Variants in ZMYND8 observed in about 807,000 individuals in gnomAD.
ZMYND8 encodes MYND-type zinc finger-containing chromatin reader ZMYND8.
In ZMYND8, 37 loss-of-function variants were observed where a neutral mutation model predicts 140.8. That is an observed-to-expected ratio of 0.26 (90% CI 0.20 to 0.35). The LOEUF (loss-of-function observed/expected upper bound fraction) is 0.35, where lower values mean the gene tolerates loss of function less well. ZMYND8 is among the 10% of genes least tolerant of loss of function. The pLI, the probability that ZMYND8 is intolerant of heterozygous loss-of-function variation, is 1.00. For synonymous variants in ZMYND8, 592 were observed against 597.1 expected, an observed-to-expected ratio of 0.99 and a Z score of 0.12; for missense variants, 1,068 against 1,570.0, an observed-to-expected ratio of 0.68 and a Z score of 5.40.
chr20:47,327,094 T>C (rs1203288883), intron 2 of ZMYND8, among the ~76,000 whole-genome samples: 1 of 151,986 alleles, frequency 6.6e-6, no homozygotes, highest in African/African-American at 2.4e-5. Context: ...GGTGAACCAG[T>C]GATCTGGAAA....
At chr20:47,243,158 C>T (rs745733304) in intron 14 of ZMYND8, among the ~76,000 whole-genome samples, 3 of 152,228 alleles carry the variant, frequency 2.0e-5, no homozygotes, top group Admixed American at 1.3e-4. Context: ...GATTCATATT[C>T]TACCCATAAG....
chr20:47,305,452 G>A lies in ZMYND8; in HGVS notation c.234+4604C>T, dbSNP rs570672416. ...GATGAGGTTTCACCATGTTGCCCAG[G>A]TTGGTCTCGAACTCCTGGCCTCAGG... On this transcript the variant is annotated intron_variant, in intron 3 of 22. Coordinates refer to ENST00000471951, the MANE Select transcript of ZMYND8 (RefSeq NM_001281775.3). Among the ~76,000 whole-genome samples the A allele has an allele frequency of 9.9e-5, 15 of 151,676 alleles. No homozygotes were observed. In the South Asian group the frequency reaches 3.1e-3, roughly 32 times the overall value.
chr20:47,224,641 C>A, intron 18 of ZMYND8, 85 bp from the exon 19 acceptor site: 1 of 1,577,496 alleles, frequency 6.3e-7, no homozygotes, highest in East Asian at 2.2e-5. Context: ...TTCAGGCAGA[C>A]GTGGATGCAA....
At position 47,213,738 on chromosome 20, in the gene ZMYND8, T is replaced by C. The variant is rs150151491; in HGVS notation, c.3485-1013A>G. On this transcript the variant is annotated intron_variant, in intron 21 of 22. Transcript: ENST00000471951. The stretch of plus-strand genomic sequence containing the variant: ...TGTTTCACTGGAGCAAGGTAGCACA[T>C]AAAATAGCAACCTCAGTAGTGTGGG... Among the ~76,000 whole-genome samples the C allele has an allele frequency of 1.5e-3, 232 of 152,280 alleles. 1 individual carries two copies. In the Middle Eastern group the frequency reaches 0.017, roughly 11 times the overall value.
intron 12 of ZMYND8, among the ~76,000 whole-genome samples, chr20:47,253,773 C>T (rs973458831): frequency 1.3e-5 from 2 of 152,204 alleles, no homozygotes; most frequent in Non-Finnish European, 2.9e-5. Flanking sequence ...TGCGTGTCTA[C>T]ACGTATGGCT....
intron 11 of ZMYND8, among the ~76,000 whole-genome samples, chr20:47,275,380 G>C (rs1331349919): frequency 2.0e-5 from 3 of 151,800 alleles, no homozygotes; most frequent in Admixed American, 6.6e-5. Flanking sequence ...TGTAATCCCA[G>C]CTACTCGGGA....
chr20:47,253,604 GAGAACCCCTGTATC>G (rs1270978597), intron 12 of ZMYND8, among the ~76,000 whole-genome samples: 1 of 151,126 alleles, frequency 6.6e-6, no homozygotes, highest in Non-Finnish European at 1.5e-5. Context: ...AGCTAAGGCT[GAGAACCCCTGTATC>G]AGACCAATCT....
intron 21 of ZMYND8, among the ~76,000 whole-genome samples, chr20:47,215,154 C>A (rs1190201101): frequency 3.9e-5 from 6 of 152,140 alleles, no homozygotes; most frequent in Non-Finnish European, 8.8e-5. Context: ...AGGTGGATTG[C>A]CTGAGCTCAG....
intron 2 of ZMYND8, among the ~76,000 whole-genome samples, chr20:47,335,295 G>A (rs2081304521): frequency 6.6e-6 from 1 of 151,990 alleles, no homozygotes; most frequent in African/African-American, 2.4e-5. Flanking sequence ...TGAATTATAT[G>A]TCAATAAAGG....
At chr20:47,287,358 T>A in intron 7 of ZMYND8, 74 bp from the exon 8 acceptor site, 2 of 1,256,114 alleles carry the variant, frequency 1.6e-6, no homozygotes, top group South Asian at 2.4e-5. Flanking sequence ...TTACTTCCGC[T>A]AACAATGTGT....
intron 3 of ZMYND8, among the ~76,000 whole-genome samples, chr20:47,301,236 C>T (rs755978204): frequency 1.0e-4 from 15 of 150,500 alleles, no homozygotes; most frequent in Non-Finnish European, 1.5e-4. Flanking sequence ...CTCACTGCAA[C>T]CTCTGCCTCC....
chr20:47,305,626 C>A (rs2078423181), intron 3 of ZMYND8, among the ~76,000 whole-genome samples: 1 of 151,678 alleles, frequency 6.6e-6, no homozygotes, highest in Non-Finnish European at 1.5e-5. Context: ...AACATGTGGG[C>A]CCAAGAAAAT....
chr20:47,310,166 A>T lies in ZMYND8; in HGVS notation c.124T>A (p.Phe42Ile), dbSNP rs1227301195. ...TTGGAAGAATGTGGAGGGCTGGGGA[A>T]CTTTCTTTTCTGGGCTGTTCTCTCT... ...SAERTAQKRK[F>I]PSPPHSSNGH... The change falls in exon 3 of 23, where the codon TTC becomes ATC. Residue 42 changes from phenylalanine to isoleucine, a missense_variant. Coordinates refer to ENST00000471951, the MANE Select transcript of ZMYND8 (RefSeq NM_001281775.3). The T allele has an allele frequency of 6.2e-7, 1 of 1,612,480 alleles. No individual in the cohort carries two copies. Among genetic ancestry groups the T allele is most frequent in the Admixed American group, 1.7e-5 (1 of 59,496 alleles).
In ZMYND8 at chr20:47,209,597, C is replaced by T. The variant is rs1568848884; in HGVS notation, c.*1164G>A. On this transcript the variant is annotated 3_prime_UTR_variant, in exon 23 of 23. Coordinates refer to ENST00000471951, the MANE Select transcript of ZMYND8 (RefSeq NM_001281775.3). ...CTCTTAACAATGAAGAGAAAGTAAA[C>T]AAGACTAAAATGTACAACAAAACGT... is the stretch of plus-strand genomic sequence containing the variant. 6.6e-6 allele frequency: 1 copy of T among 152,222 alleles called. No individual in the cohort carries two copies. The highest frequency in any genetic ancestry group is 1.5e-5 in the Non-Finnish European group (1 of 67,966). The allele number at this position is 152,222 out of a possible 1,614,324, so 9.4% of individuals were successfully genotyped here.
rs912472469 is a variant in ZMYND8 at position 47,349,818 on chromosome 20, G to T, written c.15-1892C>A. ...TGTGATCCAACTGAAATCTACAGTG[G>T]TGAGGGAAACAATTATGCAGAACTG... is the stretch of plus-strand genomic sequence containing the variant. On this transcript the variant is annotated intron_variant, in intron 1 of 22. Transcript: ENST00000471951. 3.3e-6 allele frequency: 5 copies of T among 1,533,960 alleles called. No homozygotes were observed. The African/African-American group carries it at 6.9e-5, about 21-fold the overall frequency.
rs753881902 is a variant in ZMYND8 at position 47,238,847 on chromosome 20, C to T, written c.2576G>A (p.Arg859His). The change falls in exon 15 of 23, where the codon CGT becomes CAT. Residue 859 changes from arginine (R) to histidine (H), a missense_variant. Around this residue, in one of 10 missense-constraint regions of ZMYND8, gnomAD observed 383 missense variants for 431.2 expected, o/e 0.89. Coordinates refer to ENST00000471951, the MANE Select transcript of ZMYND8 (RefSeq NM_001281775.3). Reference protein sequence around the residue: ...SQKWHMQKMQRQQQQQQQQNQ... With the variant: ...SQKWHMQKMQHQQQQQQQQNQ... The stretch of plus-strand genomic sequence containing the variant: ...TTGCTGCTGCTGCTGCTGCTGCTGA[C>T]GCTGCATCTTCTGCATGTGCCACTT... 6.2e-7 allele frequency: 1 copy of T among 1,612,962 alleles called. No homozygotes were observed. The highest frequency in any genetic ancestry group is 8.5e-7 in the Non-Finnish European group (1 of 1,179,774).
intron 2 of ZMYND8, among the ~76,000 whole-genome samples, chr20:47,318,248 G>T (rs2079574104): frequency 6.6e-6 from 1 of 152,176 alleles, no homozygotes; most frequent in Admixed American, 6.5e-5. Flanking sequence ...TGAAGGCAGG[G>T]TCAGAAGCAG....
chr20:47,338,610 T>G (rs1419999510), intron 2 of ZMYND8, among the ~76,000 whole-genome samples: 1 of 152,088 alleles, frequency 6.6e-6, no homozygotes, highest in Non-Finnish European at 1.5e-5. Flanking sequence ...CTTTGAATAT[T>G]AAGCCAAGTG....
chr20:47,209,557 T>G lies in ZMYND8; in HGVS notation c.*1204A>C, dbSNP rs1343601508. ...CTAATATGGGTAACTAGCTGGAAAC[T>G]GTACAGTTCGCATCCTCTTAACAAT... On this transcript the variant is annotated 3_prime_UTR_variant, in exon 23 of 23. Coordinates refer to ENST00000471951, the MANE Select transcript of ZMYND8 (RefSeq NM_001281775.3). 1 of 152,246 alleles carries G rather than the reference T, an allele frequency of 6.6e-6. No homozygotes were observed. The highest frequency in any genetic ancestry group is 1.9e-4 in the East Asian group (1 of 5,204). 9.4% of individuals were successfully genotyped at this position (152,246 alleles called of 1,614,324 possible).
Sources: allele counts gnomAD v4.1 joint callset (sites outside exome capture counted in the v4.1 genomes callset), GRCh38; gene constraint gnomAD v4.1.1; regional missense constraint gnomAD v4.1.1; transcripts MANE v1.5; gene names NCBI Gene and HGNC (gene_info 2026-07-23, HGNC 2026-07-21).